The following LRRC39 variants were observed in gnomAD, a reference collection of about 807,000 sequenced individuals.
LRRC39 encodes leucine-rich repeat-containing protein 39.
A neutral mutation model predicts 39.7 loss-of-function variants in LRRC39; 35 were observed. The ratio of observed to expected loss-of-function variants is 0.88; its 90% CI spans 0.67 to 1.17. The LOEUF (loss-of-function observed/expected upper bound fraction) is 1.17, where lower values mean the gene tolerates loss of function less well. LRRC39 is among the 50% of genes most tolerant of loss of function. The probability of loss-of-function intolerance (pLI) is 0.00; values close to 1 mark genes in which losing one functional copy is unlikely to be tolerated. For synonymous variants in LRRC39, 113 were observed against 134.1 expected, an observed-to-expected ratio of 0.84 and a Z score of 1.09; for missense variants, 357 against 385.8, an observed-to-expected ratio of 0.93 and a Z score of 0.62.
At chr1:100,165,926 G>A (rs1659208339) in intron 3 of LRRC39, among the ~76,000 whole-genome samples, 1 of 148,648 alleles carries the variant, frequency 6.7e-6, no homozygotes, top group Admixed American at 6.7e-5. Flanking sequence ...CCAGGCTGGA[G>A]TGCAATGGTG....
chr1:100,161,125 T>C (rs1658844666), intron 3 of LRRC39, among the ~76,000 whole-genome samples: 1 of 152,176 alleles, frequency 6.6e-6, no homozygotes, highest in African/African-American at 2.4e-5. Context: ...ACTATAAAAA[T>C]TACTTTTTTA....
chr1:100,167,746 A>G (rs747822904), intron 3 of LRRC39, among the ~76,000 whole-genome samples: 7 of 151,006 alleles, frequency 4.6e-5, no homozygotes, highest in Non-Finnish European at 8.8e-5. Context: ...ATTGCACTCC[A>G]GCCTGGGCGA....
chr1:100,160,388 A>T, intron 4 of LRRC39, 78 bp downstream of exon 4: 1 of 1,040,660 alleles, frequency 9.6e-7, no homozygotes, highest in Non-Finnish European at 1.4e-6. Context: ...AGTCTTAATT[A>T]CACAGTCTCA....
chr1:100,159,494 A>C (rs1254462465), intron 4 of LRRC39, 79 bp from the exon 5 acceptor site: 1 of 1,183,052 alleles, frequency 8.5e-7, no homozygotes, highest in Non-Finnish European at 1.1e-6. Context: ...GTGATATTTG[A>C]CTTATACAAG....
At chr1:100,162,557 T>G (rs1450248051) in intron 3 of LRRC39, among the ~76,000 whole-genome samples, 1 of 151,870 alleles carries the variant, frequency 6.6e-6, no homozygotes, top group Non-Finnish European at 1.5e-5. Flanking sequence ...GAGAATTGCT[T>G]GAACCTGGGA....
intron 8 of LRRC39, among the ~76,000 whole-genome samples, chr1:100,153,625 A>G (rs1041422401): frequency 2.0e-5 from 3 of 152,234 alleles, no homozygotes; most frequent in East Asian, 1.9e-4. Context: ...GGCAAAGGAC[A>G]TGAACAGACA....
intron 1 of LRRC39, among the ~76,000 whole-genome samples, chr1:100,176,515 T>G (rs190749283): frequency 6.6e-6 from 1 of 152,144 alleles, no homozygotes; most frequent in Non-Finnish European, 1.5e-5. Context: ...CTGTGTGACA[T>G]TGGAGATATG....
chr1:100,158,530 C>T (rs898061747), intron 5 of LRRC39, among the ~76,000 whole-genome samples, 163 bp from the exon 6 acceptor site: 1 of 152,118 alleles, frequency 6.6e-6, no homozygotes, highest in South Asian at 2.1e-4. Flanking sequence ...CTCCGCCTCC[C>T]GGGTTCACGC....
Position 100,158,242 on chromosome 1 carries a change from G to A in LRRC39, c.502C>T (p.Leu168Phe), listed in dbSNP as rs1344864343. 1 of 1,613,764 alleles carries A rather than the reference G, an allele frequency of 6.2e-7. No homozygotes were observed. The highest frequency in any genetic ancestry group is 1.7e-5 in the Admixed American group (1 of 59,970). ...TATGTCTTTCTAACCTCTTGTGGAAGATCACATATATCTCTGTTAACAGCC... is the reference window on the plus strand; with the variant it reads ...TATGTCTTTCTAACCTCTTGTGGAAAATCACATATATCTCTGTTAACAGCC... ...ELAVNRDICD[L>F]PQELSNLLKL... The change falls in exon 6 of 10, where the codon CTT becomes TTT. Residue 168 changes from leucine to phenylalanine, a missense_variant. By Grantham distance (22) the Leu-to-Phe change is conservative. Transcript: ENST00000370137.
In LRRC39 at chr1:100,156,225, C is replaced by G. The variant is rs759157876; in HGVS notation, c.606G>C (p.Glu202Asp). 6.2e-7 allele frequency: 1 copy of G among 1,613,898 alleles called. No homozygotes were observed. Among genetic ancestry groups the G allele is most frequent in the South Asian group, 1.1e-5 (1 of 91,044 alleles). Residue 202 changes from glutamate to aspartate, a missense_variant, in exon 7 of 10, where the codon GAG becomes GAC. Coordinates refer to ENST00000370137, the MANE Select transcript of LRRC39 (RefSeq NM_144620.4). ...GTTTGTTGCTTCCCATGTCCAGCCACTCAAGGGCAGGCATGTTCAACACAG... is the reference window on the plus strand; with the variant it reads ...GTTTGTTGCTTCCCATGTCCAGCCAGTCAAGGGCAGGCATGTTCAACACAG... ...PLAVLNMPAL[E>D]WLDMGSNKLE... is the part of the protein sequence containing the mutation.
chr1:100,152,251 GAGAAC>G, intron 9 of LRRC39, 129 bp downstream of exon 9: 1 of 931,604 alleles, frequency 1.1e-6, no homozygotes, highest in Non-Finnish European at 1.5e-6. Flanking sequence ...TATTGACTAA[GAGAAC>G]AGAATTTGAC....
chr1:100,162,129 C>T (rs116111086), intron 3 of LRRC39, among the ~76,000 whole-genome samples: 2,887 of 152,132 alleles, frequency 0.019, 44 homozygotes, highest in African/African-American at 0.039. Context: ...GTTTGATTTG[C>T]GTTTTCCTGG....
At position 100,155,197 on chromosome 1, in the gene LRRC39, T is replaced by C. The variant is rs1658374099; in HGVS notation, c.666A>G (p.Gln222=). ...GTTGCAGCCATAACGTATGTAGATT[T>C]TGCATTCTGAAAAATTAAGGTTTCT... The part of the protein sequence containing the change: ...EQLPDTIERM[Q]NLHTLWLQRN... Residue 222 remains glutamine, a synonymous_variant, in exon 8 of 10, where the codon CAA becomes CAG. Coordinates refer to ENST00000370137, the MANE Select transcript of LRRC39 (RefSeq NM_144620.4). The C allele has an allele frequency of 6.3e-7, 1 of 1,578,636 alleles. No homozygotes were observed. The highest frequency in any genetic ancestry group is 8.5e-7 in the Non-Finnish European group (1 of 1,169,810).
At chr1:100,166,576 G>A (rs1382738753) in intron 3 of LRRC39, among the ~76,000 whole-genome samples, 1 of 152,014 alleles carries the variant, frequency 6.6e-6, no homozygotes, top group Non-Finnish European at 1.5e-5. Flanking sequence ...CGTTGAACTT[G>A]AAGAAGATGA....
rs576796784 is a variant in LRRC39 at position 100,174,697 on chromosome 1, T to C, written c.-118-1327A>G. Among the ~76,000 whole-genome samples the C allele has an allele frequency of 2.6e-5, 4 of 152,186 alleles. No homozygotes were observed. The South Asian group carries it at 8.3e-4, about 32-fold the overall frequency. On this transcript the variant is annotated intron_variant, in intron 1 of 9. Coordinates refer to ENST00000370137, the MANE Select transcript of LRRC39 (RefSeq NM_144620.4). ...TGAATTGTAGATCTAAAAGTGAAAG[T>C]AGAAAAAATAAAGCATTTAGGTGAC...
chr1:100,176,288 C>A (rs1187187381), intron 1 of LRRC39, among the ~76,000 whole-genome samples: 1 of 152,082 alleles, frequency 6.6e-6, no homozygotes, highest in Non-Finnish European at 1.5e-5. Context: ...ATTAGCCAGG[C>A]GTGGTGGCAC....
intron 9 of LRRC39, chr1:100,149,468 AT>A (rs1657735045): frequency 3.3e-6 from 5 of 1,526,366 alleles, no homozygotes; most frequent in Non-Finnish European, 4.4e-6. Flanking sequence ...ATTTCACTTA[AT>A]TATTTTGTTG....
At chr1:100,149,519 A>G in intron 9 of LRRC39, 1 of 1,294,382 alleles carries the variant, frequency 7.7e-7, no homozygotes, top group African/African-American at 1.5e-5. Flanking sequence ...GATACTTACA[A>G]ACATAATTCA....
chr1:100,154,857 T>G (rs1047169292), intron 8 of LRRC39, among the ~76,000 whole-genome samples, 194 bp downstream of exon 8: 1 of 152,254 alleles, frequency 6.6e-6, no homozygotes, highest in African/African-American at 2.4e-5. Context: ...TTTTAAGGAT[T>G]CTTTCTTGAA....
Sources: gnomAD v4.1 joint callset for allele counts (sites outside exome capture counted in the v4.1 genomes callset) on GRCh38, gnomAD v4.1.1 for gene constraint, MANE v1.5 for transcripts, NCBI Gene and HGNC (gene_info 2026-07-23, HGNC 2026-07-21) for gene names.